Variants in LNPK observed in about 807,000 individuals in gnomAD.
LNPK encodes lunapark, ER junction formation factor.
LNPK carries 29 observed loss-of-function variants against 55.2 expected under a neutral mutation model. The ratio of observed to expected loss-of-function variants is 0.53; its 90% CI spans 0.39 to 0.72. The LOEUF (loss-of-function observed/expected upper bound fraction) is 0.72, where lower values mean the gene tolerates loss of function less well. LNPK is among the 30% of genes least tolerant of loss of function. LNPK has a pLI of 0.00. For synonymous variants in LNPK, 162 were observed against 168.2 expected (o/e 0.96, Z 0.29); for missense variants, 467 against 494.8 (o/e 0.94, Z 0.53).
intron 12 of LNPK, among the ~76,000 whole-genome samples, chr2:175,936,650 A>C (rs72912925): frequency 0.061 from 9,289 of 152,244 alleles, 328 homozygotes; most frequent in Admixed American, 0.12. Context: ...AAGAGCTGGC[A>C]ATAGTCTAAT....
At chr2:175,944,416 T>A (rs1186441349) in intron 9 of LNPK, among the ~76,000 whole-genome samples, 1 of 151,960 alleles carries the variant, frequency 6.6e-6, no homozygotes, top group African/African-American at 2.4e-5. Context: ...ATAACAAAAA[T>A]AAAGAGTTAC....
rs1049737351 is a variant in LNPK, at chr2:175,956,615, A to G, written c.493+7757T>C. On this transcript the variant is annotated intron_variant, in intron 8 of 12. Transcript: ENST00000272748. ...TTTTTTAAAATGCTTTGAAAATGTG[A>G]AAACATTCTAAGCTGAAGAACCATA... Among the ~76,000 whole-genome samples, 8 of 152,320 alleles carry G rather than the reference A, an allele frequency of 5.3e-5. No homozygotes were observed. The South Asian group carries it at 1.7e-3, about 32-fold the overall frequency.
chr2:175,989,900 G>C (rs1272847546), intron 4 of LNPK, among the ~76,000 whole-genome samples: 1 of 152,078 alleles, frequency 6.6e-6, no homozygotes, highest in African/African-American at 2.4e-5. Flanking sequence ...AATAATTTTG[G>C]AATAGTTATA....
intron 9 of LNPK, among the ~76,000 whole-genome samples, chr2:175,940,241 T>C (rs1265301278): frequency 2.0e-5 from 3 of 151,764 alleles, no homozygotes; most frequent in Non-Finnish European, 2.9e-5. Flanking sequence ...AGATGAAATG[T>C]AGCAGACTCT....
chr2:175,990,474 C>T (rs1487084720), intron 4 of LNPK, among the ~76,000 whole-genome samples: 2 of 152,110 alleles, frequency 1.3e-5, no homozygotes, highest in African/African-American at 4.8e-5. Context: ...CCAAATAAAC[C>T]TCATTTCTTT....
intron 8 of LNPK, among the ~76,000 whole-genome samples, chr2:175,962,674 C>T (rs1207735546): frequency 1.3e-5 from 2 of 152,128 alleles, no homozygotes; most frequent in Non-Finnish European, 2.9e-5. Context: ...ACACTAAAAG[C>T]AATGGCAACA....
intron 5 of LNPK, among the ~76,000 whole-genome samples, chr2:175,974,304 AAAAAT>A (rs1686788832): frequency 1.3e-5 from 2 of 152,228 alleles, no homozygotes; most frequent in South Asian, 4.1e-4. Flanking sequence ...CACGGGTAAT[AAAAAT>A]AAAATAAAAT....
Position 175,929,142 on chromosome 2 carries a change from T to C in LNPK, c.*825A>G, listed in dbSNP as rs1574792594. 1.0e-6 allele frequency: 1 copy of C among 983,174 alleles called. No homozygotes were observed. The highest frequency in any genetic ancestry group is 1.1e-4 in the East Asian group (1 of 8,812). The allele number at this position is 983,174 out of a possible 1,614,324, so 60.9% of individuals were successfully genotyped here. The stretch of plus-strand genomic sequence containing the variant: ...AACTGATGCCAGATTATTTTCATTT[T>C]CCTTAATAAAATACAAACAAGAGCA... On this transcript the variant is annotated 3_prime_UTR_variant, in exon 13 of 13. Transcript: ENST00000272748.
In LNPK at chr2:175,939,428, T is replaced by C. The variant is rs184399162; in HGVS notation, c.812+124A>G. The C allele has an allele frequency of 5.3e-4, 240 of 450,106 alleles. 2 individuals are homozygous for C. The East Asian group carries it at 8.1e-3, about 15-fold the overall frequency. 27.9% of individuals were successfully genotyped at this position (450,106 alleles called of 1,614,324 possible). On this transcript the variant is annotated intron_variant, in intron 10 of 12. Transcript: ENST00000272748. ...GAATATGTACTCTTTTGCAGGGCTA[T>C]AAAATACTCCACTATGCTCTAAAGT...
rs144867575 is a variant in LNPK at position 175,960,371 on chromosome 2, G to A, written c.493+4001C>T. Among the ~76,000 whole-genome samples, 159 of 152,058 alleles carry A rather than the reference G, an allele frequency of 1.0e-3. 1 individual carries two copies. Among genetic ancestry groups the A allele is most frequent in the African/African-American group, 3.4e-3 (142 of 41,472 alleles). ...CACAACAAACTGTCTCTCAGACCAG[G>A]GTGCAATCAAATTAGAACTCAGGAT... On this transcript the variant is annotated intron_variant, in intron 8 of 12. Coordinates refer to ENST00000272748, the MANE Select transcript of LNPK (RefSeq NM_030650.3).
intron 12 of LNPK, among the ~76,000 whole-genome samples, chr2:175,933,276 T>C (rs1377818344): frequency 6.6e-6 from 1 of 152,104 alleles, no homozygotes; most frequent in East Asian, 1.9e-4. Context: ...TGAATATCAC[T>C]GCCCCACCTA....
At chr2:175,963,231 T>A (rs1686147467) in intron 8 of LNPK, among the ~76,000 whole-genome samples, 2 of 152,058 alleles carry the variant, frequency 1.3e-5, no homozygotes, top group Admixed American at 1.3e-4. Context: ...CTATAAATCA[T>A]GCTGCTATAA....
rs1237372722 is a variant in LNPK at position 175,929,440 on chromosome 2, C to G, written c.*527G>C. On this transcript the variant is annotated 3_prime_UTR_variant, in exon 13 of 13. Coordinates refer to ENST00000272748, the MANE Select transcript of LNPK (RefSeq NM_030650.3). ...ACTGCATTCTTATTGAGAATTCGTACCAGTGCCTATGTGGTAACAACTTTC... is the reference window on the plus strand; with the variant it reads ...ACTGCATTCTTATTGAGAATTCGTAGCAGTGCCTATGTGGTAACAACTTTC... The G allele has an allele frequency of 5.1e-6, 5 of 985,926 alleles. No homozygotes were observed. Among genetic ancestry groups the G allele is most frequent in the Non-Finnish European group, 6.0e-6 (5 of 830,112 alleles). 61.1% of individuals were successfully genotyped at this position (985,926 alleles called of 1,614,324 possible). A position where few individuals can be genotyped will look rare whatever the true frequency, so the allele number is the denominator to read the frequency against.
chr2:175,982,092 G>A (rs2105689839), intron 4 of LNPK, among the ~76,000 whole-genome samples: 1 of 152,202 alleles, frequency 6.6e-6, no homozygotes, highest in African/African-American at 2.4e-5. Flanking sequence ...AGGGAGATAA[G>A]AGAATATAGG....
intron 9 of LNPK, among the ~76,000 whole-genome samples, chr2:175,942,951 A>G (rs1684930113): frequency 6.6e-6 from 1 of 151,256 alleles, no homozygotes; most frequent in Non-Finnish European, 1.5e-5. Context: ...GATACAAACT[A>G]TTAATATCAG....
At chr2:175,996,910 C>A (rs1687959240) in intron 1 of LNPK, among the ~76,000 whole-genome samples, 1 of 152,164 alleles carries the variant, frequency 6.6e-6, no homozygotes, top group South Asian at 2.1e-4. Flanking sequence ...TTCAAACTGA[C>A]ATATTTTAAC....
At chr2:176,000,362 A>T (rs993981354) in intron 1 of LNPK, among the ~76,000 whole-genome samples, 34 of 152,234 alleles carry the variant, frequency 2.2e-4, no homozygotes, top group African/African-American at 8.2e-4. Context: ...TGTTGTATAA[A>T]TTAAATGAAA....
At chr2:175,960,178 C>T (rs1259725756) in intron 8 of LNPK, among the ~76,000 whole-genome samples, 3 of 152,074 alleles carry the variant, frequency 2.0e-5, no homozygotes, top group Non-Finnish European at 2.9e-5. Flanking sequence ...AGGATATCCA[C>T]GACTTGAACT....
chr2:175,944,675 T>G (rs1198753265), intron 9 of LNPK, among the ~76,000 whole-genome samples: 3 of 152,142 alleles, frequency 2.0e-5, no homozygotes, highest in Admixed American at 2.0e-4. Context: ...GAAGATGCCC[T>G]GCAATATAGG....
Sources: gnomAD v4.1 joint callset for allele counts (sites outside exome capture counted in the v4.1 genomes callset) on GRCh38, gnomAD v4.1.1 for gene constraint, MANE v1.5 for transcripts, NCBI Gene and HGNC (gene_info 2026-07-23, HGNC 2026-07-21) for gene names.